Variants in ALDH1A2 observed in about 807,000 individuals in gnomAD.
ALDH1A2 encodes aldehyde dehydrogenase 1 family member A2.
ALDH1A2 carries 27 observed loss-of-function variants against 60.3 expected under a neutral mutation model. The observed-to-expected ratio is 0.45, with a 90% CI of 0.33 to 0.62. The LOEUF (loss-of-function observed/expected upper bound fraction) is 0.62, where lower values mean the gene tolerates loss of function less well. ALDH1A2 is among the 20% of genes least tolerant of loss of function. The pLI is 0.02. For synonymous variants in ALDH1A2, 289 were observed against 232.4 expected (o/e 1.24, Z -2.21); for missense variants, 581 against 643.8 (o/e 0.90, Z 1.06).
chr15:57,961,572 A>T (rs1159050917), intron 10 of ALDH1A2, among the ~76,000 whole-genome samples: 2 of 152,162 alleles, frequency 1.3e-5, no homozygotes, highest in Non-Finnish European at 2.9e-5. Flanking sequence ...AGCAAGTGGC[A>T]TCCTCCGTGA....
At chr15:58,051,385 G>A (rs1165614854) in intron 1 of ALDH1A2, among the ~76,000 whole-genome samples, 1 of 151,484 alleles carries the variant, frequency 6.6e-6, no homozygotes, top group Non-Finnish European at 1.5e-5. Context: ...TTTTAGATAG[G>A]CAACTTCCCA....
intron 7 of ALDH1A2, among the ~76,000 whole-genome samples, chr15:57,984,441 C>T (rs943472642): frequency 2.0e-5 from 3 of 152,142 alleles, no homozygotes; most frequent in African/African-American, 7.2e-5. Context: ...AGTATATTAA[C>T]AGAGTTGTGC....
At chr15:58,004,689 T>C (rs1416299659) in intron 4 of ALDH1A2, among the ~76,000 whole-genome samples, 1 of 102,110 alleles carries the variant, frequency 9.8e-6, no homozygotes, top group African/African-American at 3.2e-5. Context: ...TAGTATCCCA[T>C]GATTTGTGTG....
chr15:57,995,267 A>C, intron 4 of ALDH1A2, 128 bp from the exon 5 acceptor site: 1 of 719,468 alleles, frequency 1.4e-6, no homozygotes. Flanking sequence ...AAAACATCCT[A>C]CTCAACCGTG....
At chr15:57,966,963 G>A (rs554977821) in intron 7 of ALDH1A2, among the ~76,000 whole-genome samples, 43 of 152,324 alleles carry the variant, frequency 2.8e-4, no homozygotes, top group Admixed American at 2.7e-3. Context: ...GTCCATAGAG[G>A]CAATTTGGTC....
chr15:57,964,405 G>A, intron 8 of ALDH1A2: 1 of 236,342 alleles, frequency 4.2e-6, no homozygotes, highest in Non-Finnish European at 8.3e-6. Context: ...TGTAATGGAG[G>A]GGCTAAGAAG....
At chr15:57,961,990 G>C (rs750856194) in intron 10 of ALDH1A2, 22 bp downstream of exon 10, 3 of 1,613,876 alleles carry the variant, frequency 1.9e-6, no homozygotes, top group Admixed American at 1.7e-5. Flanking sequence ...TGTGGCTTTT[G>C]TAAGAACAGC....
chr15:57,966,176 C>T (rs1436156690), intron 7 of ALDH1A2, among the ~76,000 whole-genome samples: 14 of 152,080 alleles, frequency 9.2e-5, no homozygotes, highest in East Asian at 1.9e-4. Context: ...CTTTGGACTC[C>T]GGCTCCAGAA....
At chr15:58,014,135 G>T in intron 2 of ALDH1A2, 42 bp downstream of exon 2, 2 of 1,614,086 alleles carry the variant, frequency 1.2e-6, no homozygotes, top group Non-Finnish European at 1.7e-6. Context: ...CTGTTTGAAG[G>T]CAGTTATTTC....
In ALDH1A2 at chr15:58,029,175, C is replaced by G. The variant is rs556114415; in HGVS notation, c.118-14894G>C. Among the ~76,000 whole-genome samples the G allele has an allele frequency of 3.3e-5, 5 of 152,234 alleles. No individual in the cohort carries two copies. In the East Asian group the frequency reaches 7.7e-4, roughly 24 times the overall value. On this transcript the variant is annotated intron_variant, in intron 1 of 12. Coordinates refer to ENST00000249750, the MANE Select transcript of ALDH1A2 (RefSeq NM_003888.4). ...ACACTCCTCAGCAAATGTAAAAGAA[C>G]AGAAATCACAACAAACTGTCTCTCA...
chr15:57,983,513 TTA>T (rs1251993575), intron 7 of ALDH1A2, among the ~76,000 whole-genome samples: 1 of 152,230 alleles, frequency 6.6e-6, no homozygotes, highest in Non-Finnish European at 1.5e-5. Flanking sequence ...AGATGGAGAA[TTA>T]TCTTTTTCTT....
chr15:58,011,786 G>T (rs1295958240), intron 3 of ALDH1A2, among the ~76,000 whole-genome samples: 1 of 152,112 alleles, frequency 6.6e-6, no homozygotes, highest in Non-Finnish European at 1.5e-5. Context: ...CCTTAAAAAA[G>T]GGAATCAAAC....
intron 12 of ALDH1A2, among the ~76,000 whole-genome samples, chr15:57,957,790 A>G (rs1423789422): frequency 2.0e-5 from 3 of 152,216 alleles, no homozygotes; most frequent in African/African-American, 7.2e-5. Flanking sequence ...AAAACAAGTA[A>G]GAGTTTCTGT....
At chr15:58,023,867 G>T (rs111762554) in intron 1 of ALDH1A2, among the ~76,000 whole-genome samples, 1 of 152,108 alleles carries the variant, frequency 6.6e-6, no homozygotes, top group African/African-American at 2.4e-5. Flanking sequence ...CGAGGTGGGT[G>T]GAGCACCTGA....
rs34401562 is a variant in ALDH1A2 at position 58,013,388 on chromosome 15, C to T, written c.363+470G>A. 3.8e-3 allele frequency among the ~76,000 whole-genome samples: 583 copies of T among 152,250 alleles called. 3 individuals are homozygous for T. The highest frequency in any genetic ancestry group is 5.9e-3 in the Non-Finnish European group (401 of 68,028). Reference sequence around the variant, plus strand: ...GGTACTTACCAGTCATGGCAAGCTCCAGTTTTCTCTTCAAAATTCAGTGAG... The same window carrying T: ...GGTACTTACCAGTCATGGCAAGCTCTAGTTTTCTCTTCAAAATTCAGTGAG... On this transcript the variant is annotated intron_variant, in intron 3 of 12. Coordinates refer to ENST00000249750, the MANE Select transcript of ALDH1A2 (RefSeq NM_003888.4).
At chr15:58,035,800 T>G (rs1402479294) in intron 1 of ALDH1A2, among the ~76,000 whole-genome samples, 1 of 151,740 alleles carries the variant, frequency 6.6e-6, no homozygotes, top group Non-Finnish European at 1.5e-5. Flanking sequence ...TTTAAACTTG[T>G]TAAAGTGTGA....
At chr15:57,958,723 T>C (rs376479810) in intron 12 of ALDH1A2, among the ~76,000 whole-genome samples, 1 of 152,024 alleles carries the variant, frequency 6.6e-6, no homozygotes, top group African/African-American at 2.4e-5. Context: ...GGTGGAAGAG[T>C]TGGGGACCAA....
chr15:58,015,058 G>C (rs911540675), intron 1 of ALDH1A2, among the ~76,000 whole-genome samples: 19 of 152,104 alleles, frequency 1.2e-4, no homozygotes, highest in African/African-American at 4.3e-4. Flanking sequence ...AAAAGAAAAG[G>C]CCAGAAAAAT....
intron 1 of ALDH1A2, among the ~76,000 whole-genome samples, chr15:58,040,083 A>G (rs1483662508): frequency 6.6e-6 from 1 of 151,944 alleles, no homozygotes; most frequent in Non-Finnish European, 1.5e-5. Flanking sequence ...AATATGCTCC[A>G]AAGATAATAT....
Sources: allele counts gnomAD v4.1 joint callset (sites outside exome capture counted in the v4.1 genomes callset), GRCh38; gene constraint gnomAD v4.1.1; transcripts MANE v1.5; gene names NCBI Gene and HGNC (gene_info 2026-07-23, HGNC 2026-07-21).